Variants in UBN2 observed in about 807,000 individuals in gnomAD.
UBN2 encodes ubinuclein 2.
In UBN2, 35 loss-of-function variants were observed where a neutral mutation model predicts 120.2. The ratio of observed to expected loss-of-function variants is 0.29; its 90% confidence interval spans 0.22 to 0.39. The LOEUF (loss-of-function observed/expected upper bound fraction) is 0.39. Among genes scored for constraint, UBN2 ranks in the 10% least tolerant of loss-of-function variants. The pLI is 1.00. For missense variants in UBN2, 1,693 were observed against 1,663.2 expected, an observed-to-expected ratio of 1.02 and a Z score of -0.31; for synonymous variants, 661 against 648.7, an observed-to-expected ratio of 1.02 and a Z score of -0.29.
At chr7:139,236,114 A>C (rs1296079912) in intron 1 of UBN2, among the ~76,000 whole-genome samples, 1 of 152,148 alleles carries the variant, frequency 6.6e-6, no homozygotes, top group Non-Finnish European at 1.5e-5. Context: ...AACCATATAT[A>C]TGTTTGTATA....
In UBN2 at chr7:139,231,968, C is replaced by T. The variant is rs949328348; in HGVS notation, c.468+16C>T. Reference sequence around the variant, plus strand: ...AGAACAACGGGTACAGAAGATTCTTCCCTCCTGCCCCAGACCCCGGGAGCC... The same window carrying T: ...AGAACAACGGGTACAGAAGATTCTTTCCTCCTGCCCCAGACCCCGGGAGCC... On this transcript the variant is annotated intron_variant, in intron 1 of 17. Coordinates refer to ENST00000473989, the MANE Select transcript of UBN2 (RefSeq NM_173569.4). 2.5e-6 allele frequency: 4 copies of T among 1,570,730 alleles called. No individual in the cohort carries two copies. Among genetic ancestry groups the T allele is most frequent in the East Asian group, 2.5e-5 (1 of 40,248 alleles).
intron 15 of UBN2, 137 bp downstream of exon 15, chr7:139,284,711 G>A: frequency 1.4e-6 from 1 of 735,992 alleles, no homozygotes; most frequent in Non-Finnish European, 2.1e-6. Context: ...GCCATGGAAT[G>A]TTCCTGATGC....
chr7:139,310,548 A>G (rs137885843), downstream of UBN2, among the ~76,000 whole-genome samples: 410 of 152,292 alleles, frequency 2.7e-3, no homozygotes, highest in Middle Eastern at 0.01. Context: ...AGGGAGGCGG[A>G]TCACTTGAGG....
At chr7:139,239,510 A>G (rs1016139116) in intron 2 of UBN2, among the ~76,000 whole-genome samples, 1 of 151,578 alleles carries the variant, frequency 6.6e-6, no homozygotes, top group African/African-American at 2.4e-5. Context: ...ATATATTACT[A>G]AATTACCAGT....
intron 5 of UBN2, 52 bp downstream of exon 5, chr7:139,259,422 C>A: frequency 6.3e-7 from 1 of 1,597,932 alleles, no homozygotes; most frequent in South Asian, 1.1e-5. Flanking sequence ...CTGACTGTCT[C>A]TCCCTTTAGA....
the UBN2 span, among the ~76,000 whole-genome samples, chr7:139,320,054 T>C: frequency 1.2e-4 from 18 of 150,070 alleles, no homozygotes; most frequent in East Asian, 2.6e-3. Context: ...CCAGCCTGGG[T>C]GACAGAGCGA....
rs1798352254 is a variant in UBN2, at chr7:139,306,081, A to G, written c.*8245A>G. ...ATTTTATAACAGAGCACTAATGGAA[A>G]CCTAATAAATACAAACAAGATAACT... On this transcript the variant is annotated 3_prime_UTR_variant, in exon 18 of 18. Coordinates refer to ENST00000473989, the MANE Select transcript of UBN2 (RefSeq NM_173569.4). 6.6e-6 allele frequency: 1 copy of G among 152,230 alleles called. No homozygotes were observed. Among genetic ancestry groups the G allele is most frequent in the African/African-American group, 2.4e-5 (1 of 41,462 alleles). The allele number at this position is 152,230 out of a possible 1,614,324, so 9.4% of individuals were successfully genotyped here. A position where few individuals can be genotyped will look rare whatever the true frequency, so the allele number is the denominator to read the frequency against.
chr7:139,315,793 C>T, the UBN2 span, among the ~76,000 whole-genome samples: 1 of 151,944 alleles, frequency 6.6e-6, no homozygotes, highest in East Asian at 1.9e-4. Flanking sequence ...CATGGAGGCT[C>T]AGGCTGGGCA....
Position 139,300,334 on chromosome 7 carries a change from A to T in UBN2, c.*2498A>T, listed in dbSNP as rs192924890. The T allele has an allele frequency of 6.6e-6, 1 of 152,162 alleles. No homozygotes were observed. Among genetic ancestry groups the T allele is most frequent in the East Asian group, 1.9e-4 (1 of 5,174 alleles). The allele number at this position is 152,162 out of a possible 1,614,324, so 9.4% of individuals were successfully genotyped here. On this transcript the variant is annotated 3_prime_UTR_variant, in exon 18 of 18. Coordinates refer to ENST00000473989, the MANE Select transcript of UBN2 (RefSeq NM_173569.4). ...TTTATGTTGTATGAATCAGTCAAAC[A>T]TCGTTGTATTTCTGTATAGATAAAG...
chr7:139,310,964 G>A (rs942567017), downstream of UBN2, among the ~76,000 whole-genome samples: 14 of 152,004 alleles, frequency 9.2e-5, no homozygotes, highest in East Asian at 3.9e-4. Flanking sequence ...CCACAATATC[G>A]TTTATATATT....
chr7:139,308,533 T>C (rs907602514), downstream of UBN2, among the ~76,000 whole-genome samples: 2 of 152,122 alleles, frequency 1.3e-5, no homozygotes, highest in Non-Finnish European at 2.9e-5. Context: ...GAAGACTCAG[T>C]GCAGTGGATG....
intron 2 of UBN2, among the ~76,000 whole-genome samples, 170 bp downstream of exon 2, chr7:139,237,267 ATAGT>A (rs750627716): frequency 1.3e-5 from 2 of 152,176 alleles, no homozygotes; most frequent in Non-Finnish European, 2.9e-5. Flanking sequence ...CAGGCTTGTG[ATAGT>A]TAAAGTAGCC....
chr7:139,258,686 T>A, intron 4 of UBN2, 61 bp downstream of exon 4: 2 of 1,412,916 alleles, frequency 1.4e-6, no homozygotes, highest in Non-Finnish European at 1.9e-6. Context: ...TTTTTTTTAA[T>A]GTTACTTGTG....
chr7:139,265,439 C>G (rs1023956671), intron 6 of UBN2, among the ~76,000 whole-genome samples: 1 of 152,114 alleles, frequency 6.6e-6, no homozygotes, highest in South Asian at 2.1e-4. Context: ...GATCGCGCCA[C>G]TGCACTCCAG....
At chr7:139,279,743 T>C (rs1188431190) in intron 13 of UBN2, among the ~76,000 whole-genome samples, 1 of 152,250 alleles carries the variant, frequency 6.6e-6, no homozygotes, top group Non-Finnish European at 1.5e-5. Context: ...TTTGGCACTT[T>C]CTACCCATCA....
chr7:139,272,495 TATGTATG>T (rs2131009706), intron 9 of UBN2, 55 bp downstream of exon 9: 2 of 402,954 alleles, frequency 5.0e-6, no homozygotes, highest in African/African-American at 7.3e-5. Flanking sequence ...GTATGTACGT[TATGTATG>T]TATGTATGTA....
chr7:139,273,323 A>G lies in UBN2; in HGVS notation c.1742A>G (p.Lys581Arg). The G allele has an allele frequency of 6.2e-7, 1 of 1,607,118 alleles. No individual in the cohort carries two copies. Among genetic ancestry groups the G allele is most frequent in the Non-Finnish European group, 8.5e-7 (1 of 1,176,836 alleles). ...TTGCAGACAGATGAAGAACGAGAAA[A>G]AAATGGATCTGAAGAGGATGATGAT... The part of the protein sequence containing the change: ...AKLQTDEERE[K>R]NGSEEDDDEK... Residue 581 changes from lysine to arginine, a missense_variant, in exon 10 of 18, where the codon AAA becomes AGA. Coordinates refer to ENST00000473989, the MANE Select transcript of UBN2 (RefSeq NM_173569.4).
At position 139,297,776 on chromosome 7, in the gene UBN2, CTT is replaced by C; in HGVS notation, c.3995-7_3995-6del. 1 of 1,614,004 alleles carries C rather than the reference CTT, an allele frequency of 6.2e-7. No individual in the cohort carries two copies. Among genetic ancestry groups the C allele is most frequent in the Non-Finnish European group, 8.5e-7 (1 of 1,179,940 alleles). ...ATGGACCCATACCAATTTAACGTCTCTTTTTCTCAGATGGAGGCCAAAGTAAA... is the reference window on the plus strand; with the variant it reads ...ATGGACCCATACCAATTTAACGTCTCTTTCTCAGATGGAGGCCAAAGTAAA... On this transcript the variant is annotated splice_polypyrimidine_tract_variant and intron_variant, in intron 17 of 17. Transcript: ENST00000473989.
chr7:139,248,964 G>A (rs1796544830), intron 2 of UBN2, among the ~76,000 whole-genome samples: 1 of 151,946 alleles, frequency 6.6e-6, no homozygotes, highest in Admixed American at 6.6e-5. Context: ...CTAAGCACAT[G>A]GGTATGTTGT....
Sources: allele counts gnomAD v4.1 joint callset (sites outside exome capture counted in the v4.1 genomes callset), GRCh38; gene constraint gnomAD v4.1.1; transcripts MANE v1.5; gene names NCBI Gene and HGNC (gene_info 2026-07-23, HGNC 2026-07-21).